GMEB1: variants seen among roughly 807,000 people sequenced by gnomAD.
GMEB1 encodes the protein glucocorticoid modulatory element-binding protein 1.
A neutral mutation model predicts 52.4 loss-of-function variants in GMEB1; 6 were observed. The observed-to-expected ratio is 0.11, with a 90% CI of 0.06 to 0.23. The LOEUF is 0.23. GMEB1 is among the 10% of genes least tolerant of loss of function. The pLI is 1.00. For synonymous variants in GMEB1, 255 were observed against 244.9 expected (o/e 1.04, Z -0.38); for missense variants, 486 against 685.6 (o/e 0.71, Z 3.25).
intron 8 of GMEB1, among the ~76,000 whole-genome samples, chr1:28,709,397 G>A (rs1416941680): frequency 6.6e-6 from 1 of 152,010 alleles, no homozygotes; most frequent in Non-Finnish European, 1.5e-5. Context: ...TGTCTATTTT[G>A]CAGAGTAAGT....
intron 2 of GMEB1, among the ~76,000 whole-genome samples, chr1:28,689,256 C>T (rs767437745): frequency 6.6e-6 from 1 of 152,042 alleles, no homozygotes; most frequent in Non-Finnish European, 1.5e-5. Flanking sequence ...GAACTCCTGA[C>T]CTCAGGTGAT....
At position 28,718,880 on chromosome 1, in the gene GMEB1, C is replaced by T. The variant is rs1671337302; in HGVS notation, c.*4107C>T. 6.6e-6 allele frequency: 1 copy of T among 152,146 alleles called. No homozygotes were observed. Among genetic ancestry groups the T allele is most frequent in the African/African-American group, 2.4e-5 (1 of 41,422 alleles). 9.4% of individuals were successfully genotyped at this position (152,146 alleles called of 1,614,324 possible). ...GGGGTCAGCAAATAAGGGAGATCTT[C>T]CTGGAGAAGGCATATACCTAAGCTG... is the stretch of plus-strand genomic sequence containing the variant. On this transcript the variant is annotated 3_prime_UTR_variant, in exon 10 of 10. Transcript: ENST00000373816.
At position 28,702,387 on chromosome 1, in the gene GMEB1, A is replaced by G. The variant is rs779383117; in HGVS notation, c.599-51A>G. 7.8e-6 allele frequency: 12 copies of G among 1,537,044 alleles called. No homozygotes were observed. The African/African-American group carries it at 9.6e-5, about 12-fold the overall frequency. ...ATTGAGTATGAGATATAGGATAGCT[A>G]TAACTTTTTCGTTAAATTCACTGTT... On this transcript the variant is annotated intron_variant, in intron 6 of 9. Coordinates refer to ENST00000373816, the MANE Select transcript of GMEB1 (RefSeq NM_001319674.2).
chr1:28,680,715 A>G (rs1669353050), intron 1 of GMEB1, among the ~76,000 whole-genome samples: 1 of 151,600 alleles, frequency 6.6e-6, no homozygotes, highest in South Asian at 2.1e-4. Flanking sequence ...AGTCTGGGGA[A>G]CACAGCAAGA....
chr1:28,668,888 G>C (rs996059392), intron 1 of GMEB1, 49 bp downstream of exon 1: 2 of 143,820 alleles, frequency 1.4e-5, no homozygotes, highest in East Asian at 4.2e-4. Context: ...GGGTGGGGGC[G>C]GGGGGGCGGG....
At position 28,704,192 on chromosome 1, in the gene GMEB1, A is replaced by G. The variant is rs1226863719; in HGVS notation, c.731A>G (p.Glu244Gly). 2.5e-6 allele frequency: 4 copies of G among 1,609,936 alleles called. No individual in the cohort carries two copies. Among genetic ancestry groups the G allele is most frequent in the African/African-American group, 1.3e-5 (1 of 74,664 alleles). Residue 244 changes from glutamate to glycine, a missense_variant and splice_region_variant, in exon 8 of 10, where the codon GAG (glutamate) becomes GGG (glycine). Glu to Gly is a moderately conservative substitution (Grantham distance 98, BLOSUM62 -2). Transcript: ENST00000373816. ...GVKKDSEEIS[E>G]DTLMFWKGIA... ...CTCTGTCTTATCCTTCTTGTGCCAG[A>G]GGACACTTTGATGTTCTGGAAAGGA...
chr1:28,668,801 C>A lies in GMEB1; in HGVS notation c.-69C>A. 6.7e-6 allele frequency: 1 copy of A among 148,988 alleles called. No individual in the cohort carries two copies. Among genetic ancestry groups the A allele is most frequent in the Non-Finnish European group, 1.5e-5 (1 of 66,844 alleles). 9.2% of individuals were successfully genotyped at this position (148,988 alleles called of 1,614,324 possible). Reference sequence around the variant, plus strand: ...CTCTGCGCATGCTCCGTCGCCTGCCCGCCCTGGCCGCTCGCCGCCCGCCCG... The same window carrying A: ...CTCTGCGCATGCTCCGTCGCCTGCCAGCCCTGGCCGCTCGCCGCCCGCCCG... On this transcript the variant is annotated 5_prime_UTR_variant, in exon 1 of 10. Transcript: ENST00000373816.
intron 3 of GMEB1, among the ~76,000 whole-genome samples, 162 bp downstream of exon 3, chr1:28,690,348 A>G (rs887494396): frequency 1.3e-5 from 2 of 151,746 alleles, no homozygotes; most frequent in African/African-American, 2.4e-5. Context: ...ATGGTGGTAC[A>G]TCTTGAGACA....
At chr1:28,697,303 G>A (rs1670272637) in intron 6 of GMEB1, among the ~76,000 whole-genome samples, 2 of 151,226 alleles carry the variant, frequency 1.3e-5, no homozygotes, top group African/African-American at 4.9e-5. Context: ...CTGCCTCCTG[G>A]GTTCAAGCGA....
intron 1 of GMEB1, among the ~76,000 whole-genome samples, chr1:28,676,684 C>T (rs1003266892): frequency 1.3e-5 from 2 of 150,658 alleles, no homozygotes; most frequent in African/African-American, 2.4e-5. Context: ...GAGATCAGGG[C>T]GCTGCACTCC....
chr1:28,690,160 C>T lies in GMEB1; in HGVS notation c.185C>T (p.Thr62Met), dbSNP rs1398745872. ...NTAVVAVETH[T>M]IHKIEEGIDT... ...GCAGTTGTAGCAGTAGAAACTCACACGATACACAAAATTGAAGAAGGGATT... is the reference window on the plus strand; with the variant it reads ...GCAGTTGTAGCAGTAGAAACTCACATGATACACAAAATTGAAGAAGGGATT... The change falls in exon 3 of 10, where the codon ACG becomes ATG. Residue 62 changes from threonine (T) to methionine (M), a missense_variant. Physicochemically the swap from Thr to Met is moderately conservative, Grantham distance 81. Around this residue, in one of 5 missense-constraint regions of GMEB1, gnomAD observed 88 missense variants for 96.5 expected, o/e 0.91. Transcript: ENST00000373816. 4.5e-6 allele frequency: 7 copies of T among 1,548,748 alleles called. No homozygotes were observed. The highest frequency in any genetic ancestry group is 2.3e-5 in the East Asian group (1 of 43,932).
intron 8 of GMEB1, among the ~76,000 whole-genome samples, chr1:28,709,371 A>G (rs183697633): frequency 1.3e-5 from 2 of 152,266 alleles, no homozygotes; most frequent in East Asian, 3.9e-4. Context: ...CACTTAAAAT[A>G]TATTTCTAAT....
At chr1:28,705,501 G>C (rs1379784586) in intron 8 of GMEB1, among the ~76,000 whole-genome samples, 1 of 147,170 alleles carries the variant, frequency 6.8e-6, no homozygotes, top group East Asian at 2.0e-4. Flanking sequence ...CCAGGCTGGA[G>C]TGCAGTGGCG....
intron 9 of GMEB1, among the ~76,000 whole-genome samples, chr1:28,713,039 T>G (rs1323139620): frequency 6.7e-6 from 1 of 148,228 alleles, no homozygotes; most frequent in Non-Finnish European, 1.5e-5. Context: ...GCGCCTGTAG[T>G]CCCAGCTACT....
intron 6 of GMEB1, among the ~76,000 whole-genome samples, chr1:28,700,058 CA>C (rs34231884): frequency 0.19 from 11,817 of 61,258 alleles, 372 homozygotes; most frequent in Non-Finnish European, 0.25. Context: ...GACCCTGTCT[CA>C]AAAAAAAAAA....
At chr1:28,685,210 CTT>C (rs779541175) in intron 2 of GMEB1, among the ~76,000 whole-genome samples, 4 of 143,628 alleles carry the variant, frequency 2.8e-5, no homozygotes, top group Admixed American at 7.0e-5. Flanking sequence ...AAAAGGGGTT[CTT>C]TTTTTTTTTT....
At position 28,683,463 on chromosome 1, in the gene GMEB1, G is replaced by A. The variant is rs367757927; in HGVS notation, c.-30-120G>A. 55 of 727,080 alleles carry A rather than the reference G, an allele frequency of 7.6e-5. No homozygotes were observed. In the South Asian group the frequency reaches 8.2e-4, roughly 11 times the overall value. 45.0% of individuals were successfully genotyped at this position (727,080 alleles called of 1,614,324 possible). On this transcript the variant is annotated intron_variant, in intron 1 of 9. Coordinates refer to ENST00000373816, the MANE Select transcript of GMEB1 (RefSeq NM_001319674.2). Reference sequence around the variant, plus strand: ...TGGTCTTGAACTCCCAACCTCAGGCGATCCGCCTGCCTAGCTAGGCCTCCC... The same window carrying A: ...TGGTCTTGAACTCCCAACCTCAGGCAATCCGCCTGCCTAGCTAGGCCTCCC...
intron 2 of GMEB1, 105 bp from the exon 3 acceptor site, chr1:28,689,999 A>C: frequency 1.5e-6 from 1 of 687,378 alleles, no homozygotes; most frequent in Non-Finnish European, 2.5e-6. Flanking sequence ...TATTTATTTT[A>C]TTTCTTTTGA....
intron 4 of GMEB1, among the ~76,000 whole-genome samples, chr1:28,692,118 C>G (rs1199450266): frequency 6.6e-6 from 1 of 151,326 alleles, no homozygotes; most frequent in African/African-American, 2.4e-5. Context: ...TCAGGTGATT[C>G]TCCTACCTCA....
Sources: allele counts gnomAD v4.1 joint callset (sites outside exome capture counted in the v4.1 genomes callset), GRCh38; gene constraint gnomAD v4.1.1; regional missense constraint gnomAD v4.1.1; transcripts MANE v1.5; gene names NCBI Gene and HGNC (gene_info 2026-07-23, HGNC 2026-07-21).